The following CLYBL variants were observed in gnomAD, a reference collection of about 807,000 sequenced individuals.
The protein encoded by CLYBL is citramalyl-CoA lyase.
In CLYBL, 31 loss-of-function variants were observed where a neutral mutation model predicts 38.9. The ratio of observed to expected loss-of-function variants is 0.80; its 90% confidence interval spans 0.60 to 1.08. The LOEUF (loss-of-function observed/expected upper bound fraction) is 1.08, where lower values mean the gene tolerates loss of function less well. Among genes scored for constraint, CLYBL ranks in the 50% least tolerant of loss-of-function variants. CLYBL has a pLI of 0.00. For synonymous variants in CLYBL, 171 were observed against 158.6 expected (o/e 1.08, Z -0.59); for missense variants, 434 against 411.6 (o/e 1.05, Z -0.47).
In CLYBL at chr13:99,608,086, T is replaced by C. The variant is rs1035364250; in HGVS notation, c.62+1329T>C. Among the ~76,000 whole-genome samples, 12 of 77,602 alleles carry C rather than the reference T, an allele frequency of 1.5e-4. No individual in the cohort carries two copies. In the East Asian group the frequency reaches 2.0e-3, roughly 13 times the overall value. 50.9% of individuals were successfully genotyped at this position (77,602 alleles called of 152,430 possible). ...CTTTTTTTTTTTTTTTTTTTTTTTTTCCGAGATGGAGTTTCGCTTTTGTCG... is the reference window on the plus strand; with the variant it reads ...CTTTTTTTTTTTTTTTTTTTTTTTTCCCGAGATGGAGTTTCGCTTTTGTCG... On this transcript the variant is annotated intron_variant, in intron 1 of 8. Coordinates refer to ENST00000339105, the MANE Select transcript of CLYBL (RefSeq NM_206808.5).
chr13:99,622,230 A>G (rs1401649053), intron 1 of CLYBL, among the ~76,000 whole-genome samples: 1 of 152,206 alleles, frequency 6.6e-6, no homozygotes, highest in Non-Finnish European at 1.5e-5. Context: ...CTGATTAGCA[A>G]CCTTCATTCC....
At chr13:99,661,082 T>C (rs563318909) in intron 1 of CLYBL, among the ~76,000 whole-genome samples, 1 of 152,346 alleles carries the variant, frequency 6.6e-6, no homozygotes, top group South Asian at 2.1e-4. Flanking sequence ...AAAAAAATTT[T>C]TGACAAAACA....
chr13:99,873,121 C>A (rs1045019661), intron 7 of CLYBL, among the ~76,000 whole-genome samples: 1 of 152,090 alleles, frequency 6.6e-6, no homozygotes, highest in African/African-American at 2.4e-5. Flanking sequence ...GCAAATTCTC[C>A]TGGTGTTTTG....
At chr13:99,732,870 A>G (rs1453150364) in intron 1 of CLYBL, among the ~76,000 whole-genome samples, 2 of 152,224 alleles carry the variant, frequency 1.3e-5, no homozygotes, top group African/African-American at 2.4e-5. Flanking sequence ...TTTCATTTGA[A>G]TGATTAACAG....
rs755909819 is a variant in CLYBL, at chr13:99,725,234, T to G, written c.63-47590T>G. The stretch of plus-strand genomic sequence containing the variant: ...GTTGCTGGCAGAAAACAAATCTTGA[T>G]GTAAAAGAAGAGAAGACCGAACAGT... On this transcript the variant is annotated intron_variant, in intron 1 of 8. Coordinates refer to ENST00000339105, the MANE Select transcript of CLYBL (RefSeq NM_206808.5). Among the ~76,000 whole-genome samples, 8 of 152,146 alleles carry G rather than the reference T, an allele frequency of 5.3e-5. No individual in the cohort carries two copies. The East Asian group carries it at 1.2e-3, about 22-fold the overall frequency.
chr13:99,715,755 T>A (rs910040972), intron 1 of CLYBL, among the ~76,000 whole-genome samples: 2 of 152,134 alleles, frequency 1.3e-5, no homozygotes, highest in African/African-American at 2.4e-5. Flanking sequence ...CAGAGTCCTG[T>A]GGTAGAAATA....
chr13:99,656,798 T>C (rs1255211237), intron 1 of CLYBL, among the ~76,000 whole-genome samples: 1 of 152,218 alleles, frequency 6.6e-6, no homozygotes, highest in Non-Finnish European at 1.5e-5. Context: ...TATCAAATCA[T>C]TTTCTGTTGT....
chr13:99,687,870 A>G (rs2047841026), intron 1 of CLYBL, among the ~76,000 whole-genome samples: 1 of 152,186 alleles, frequency 6.6e-6, no homozygotes, highest in South Asian at 2.1e-4. Flanking sequence ...GTTGGGTTGA[A>G]TGCTTCTGTT....
intron 7 of CLYBL, chr13:99,885,090 G>T (rs750670677): frequency 9.4e-6 from 5 of 530,230 alleles, no homozygotes; most frequent in African/African-American, 7.7e-5. Flanking sequence ...TGGGTGCCAG[G>T]TCCTGGGAGT....
At chr13:99,720,467 A>G (rs1002839277) in intron 1 of CLYBL, among the ~76,000 whole-genome samples, 2 of 152,060 alleles carry the variant, frequency 1.3e-5, no homozygotes, top group Non-Finnish European at 2.9e-5. Context: ...CTCTCTGCTC[A>G]CCATCGCTCC....
intron 2 of CLYBL, among the ~76,000 whole-genome samples, chr13:99,793,652 G>C (rs991871542): frequency 5.3e-5 from 8 of 151,908 alleles, no homozygotes; most frequent in Non-Finnish European, 7.4e-5. Context: ...TTAATGCAAG[G>C]ATTCAAATAT....
Position 99,606,803 on chromosome 13 carries a change from C to T in CLYBL, c.62+46C>T, listed in dbSNP as rs1222627039. The T allele has an allele frequency of 7.4e-6, 10 of 1,344,096 alleles. No individual in the cohort carries two copies. In the East Asian group the frequency reaches 2.5e-4, roughly 33 times the overall value. 83.3% of individuals were successfully genotyped at this position (1,344,096 alleles called of 1,614,324 possible). A position where few individuals can be genotyped will look rare whatever the true frequency, so the allele number is the denominator to read the frequency against. ...CCCGCCTTCCCGGCCCGGCTCGCCG[C>T]GGGTCGGCTCCTGTTGCAGCCCCGC... is the stretch of plus-strand genomic sequence containing the variant. On this transcript the variant is annotated intron_variant, in intron 1 of 8. Coordinates refer to ENST00000339105, the MANE Select transcript of CLYBL (RefSeq NM_206808.5).
intron 1 of CLYBL, among the ~76,000 whole-genome samples, chr13:99,768,186 C>CCTTTTCTTTTTTTTTTTTT (rs1566318728): frequency 1.2e-5 from 1 of 83,950 alleles, no homozygotes. Context: ...CAAGTCTTTT[C>CCTTTTCTTTTTTTTTTTTT]TTTTTCTTTT....
At chr13:99,864,955 G>A (rs200030197) in intron 5 of CLYBL, 44 bp downstream of exon 5, 99 of 1,091,422 alleles carry the variant, frequency 9.1e-5, no homozygotes, top group Middle Eastern at 2.0e-4. Flanking sequence ...GTGTGTGTGT[G>A]TATATGTGTG....
rs763703599 is a variant in CLYBL at position 99,864,418 on chromosome 13, T to C, written c.541-400T>C. Among the ~76,000 whole-genome samples the C allele has an allele frequency of 5.4e-4, 82 of 152,244 alleles. 2 individuals carry two copies. Among genetic ancestry groups the C allele is most frequent in the Admixed American group, 2.6e-4 (4 of 15,282 alleles). On this transcript the variant is annotated intron_variant, in intron 4 of 8. Coordinates refer to ENST00000339105, the MANE Select transcript of CLYBL (RefSeq NM_206808.5). ...CCTGAGACCATGTGCTTGATCCTAA[T>C]GCAAATAATTCAATTAGTTTGATTT...
At chr13:99,750,272 GATATGTGC>G (rs1274640562) in intron 1 of CLYBL, among the ~76,000 whole-genome samples, 31 of 152,280 alleles carry the variant, frequency 2.0e-4, no homozygotes, top group African/African-American at 7.0e-4. Context: ...TACTGCTGTG[GATATGTGC>G]ACACTTTTCT....
intron 6 of CLYBL, among the ~76,000 whole-genome samples, chr13:99,868,700 T>G (rs889564872): frequency 6.6e-6 from 1 of 152,232 alleles, no homozygotes; most frequent in African/African-American, 2.4e-5. Flanking sequence ...ATGCATTGGC[T>G]GTATAAATGG....
intron 1 of CLYBL, among the ~76,000 whole-genome samples, chr13:99,721,153 C>T (rs2048386685): frequency 6.6e-6 from 1 of 151,862 alleles, no homozygotes; most frequent in Non-Finnish European, 1.5e-5. Flanking sequence ...AAGCGATTCT[C>T]CTGCTTAAGC....
intron 1 of CLYBL, among the ~76,000 whole-genome samples, chr13:99,652,810 T>A (rs555390666): frequency 1.3e-3 from 205 of 152,340 alleles, no homozygotes; most frequent in Middle Eastern, 6.8e-3. Context: ...GAGGTGAGGA[T>A]GCTACTGAAG....
Sources: gnomAD v4.1 joint callset for allele counts (sites outside exome capture counted in the v4.1 genomes callset) on GRCh38, gnomAD v4.1.1 for gene constraint, MANE v1.5 for transcripts, NCBI Gene and HGNC (gene_info 2026-07-23, HGNC 2026-07-21) for gene names.